Variants in CFAP44 observed in about 807,000 individuals in gnomAD.
CFAP44 encodes the protein cilia- and flagella-associated protein 44.
CFAP44 carries 134 observed loss-of-function variants against 216.2 expected under a neutral mutation model. That is an observed-to-expected ratio of 0.62 (90% CI 0.54 to 0.72). The LOEUF (loss-of-function observed/expected upper bound fraction) is 0.72, where lower values mean the gene tolerates loss of function less well. Ranked by LOEUF, CFAP44 falls within the 30% of genes least tolerant of loss-of-function variation. CFAP44 has a pLI of 0.00. For missense variants in CFAP44, 2,035 were observed against 2,182.1 expected (o/e 0.93, Z 1.34); for synonymous variants, 700 against 727.6 (o/e 0.96, Z 0.61).
intron 22 of CFAP44, among the ~76,000 whole-genome samples, chr3:113,356,040 T>C (rs1172409280): frequency 6.7e-6 from 1 of 149,576 alleles, no homozygotes; most frequent in African/African-American, 2.4e-5. Flanking sequence ...AAAATGTATA[T>C]AATTATTATA....
chr3:113,330,831 T>C (rs1950235544), intron 25 of CFAP44, among the ~76,000 whole-genome samples, 163 bp from the exon 26 acceptor site: 1 of 152,022 alleles, frequency 6.6e-6, no homozygotes, highest in Admixed American at 6.5e-5. Flanking sequence ...TTCTTTAATA[T>C]TGAGGATTTT....
chr3:113,388,222 C>T (rs1351740935), intron 15 of CFAP44, among the ~76,000 whole-genome samples: 1 of 152,046 alleles, frequency 6.6e-6, no homozygotes, highest in South Asian at 2.1e-4. Context: ...TACCACAGGC[C>T]TTGGGCAAGA....
chr3:113,414,778 A>T (rs1934597074), intron 6 of CFAP44, among the ~76,000 whole-genome samples: 1 of 151,902 alleles, frequency 6.6e-6, no homozygotes, highest in South Asian at 2.1e-4. Flanking sequence ...TTTATTGAAG[A>T]TTTTTGCATC....
At chr3:113,303,878 T>A (rs1357734774) in intron 32 of CFAP44, 38 bp downstream of exon 32, 1 of 1,532,756 alleles carries the variant, frequency 6.5e-7, no homozygotes, top group African/African-American at 1.4e-5. Context: ...TTCTTACCAA[T>A]AAACCTTACT....
At chr3:113,372,158 G>C (rs1047534136) in intron 18 of CFAP44, among the ~76,000 whole-genome samples, 1 of 152,206 alleles carries the variant, frequency 6.6e-6, no homozygotes, top group Non-Finnish European at 1.5e-5. Flanking sequence ...AACCATTGTG[G>C]AAGACAGTGT....
chr3:113,423,527 C>T (rs1214845811), intron 4 of CFAP44, among the ~76,000 whole-genome samples: 3 of 152,142 alleles, frequency 2.0e-5, no homozygotes, highest in Non-Finnish European at 4.4e-5. Context: ...GTACCTTCAG[C>T]TCCCTTTGTC....
At chr3:113,297,089 C>T (rs185216206) in intron 32 of CFAP44, among the ~76,000 whole-genome samples, 1 of 152,298 alleles carries the variant, frequency 6.6e-6, no homozygotes, top group East Asian at 1.9e-4. Context: ...CCTTCTGAAT[C>T]CTGTGTAAAA....
intron 4 of CFAP44, among the ~76,000 whole-genome samples, chr3:113,421,039 C>G (rs1230373080): frequency 6.6e-6 from 1 of 151,914 alleles, no homozygotes; most frequent in Non-Finnish European, 1.5e-5. Context: ...CAAAATAAAC[C>G]ATCAACAGAT....
chr3:113,357,077 T>C (rs534482351), intron 22 of CFAP44, among the ~76,000 whole-genome samples: 1 of 152,228 alleles, frequency 6.6e-6, no homozygotes, highest in South Asian at 2.1e-4. Context: ...AACAAACACC[T>C]AACAACAGAA....
At chr3:113,367,571 T>C (rs1302323056) in intron 18 of CFAP44, among the ~76,000 whole-genome samples, 1 of 151,998 alleles carries the variant, frequency 6.6e-6, no homozygotes, top group East Asian at 1.9e-4. Context: ...CAAAACACCA[T>C]CTGTAGGTCA....
intron 1 of CFAP44, 94 bp from the exon 2 acceptor site, chr3:113,433,763 A>C: frequency 2.1e-6 from 2 of 958,098 alleles, no homozygotes; most frequent in Non-Finnish European, 1.6e-6. Flanking sequence ...ACCAAACACC[A>C]TGTGTGTCAA....
Position 113,303,991 on chromosome 3 carries a change from T to C in CFAP44, c.5002A>G (p.Lys1668Glu). 9 of 1,537,764 alleles carry C rather than the reference T, an allele frequency of 5.9e-6. No homozygotes were observed. In the South Asian group the frequency reaches 7.1e-5, roughly 12 times the overall value. Residue 1668 changes from lysine (K) to glutamate (E), a missense_variant, in exon 32 of 35, where the codon AAA becomes GAA. By Grantham distance (56) the Lys-to-Glu change is moderately conservative. Transcript: ENST00000393845. ...ELQEENSKQQ[K>E]LNKEWRERRK... ...CTCTCTCTCCATTCTTTGTTAAGTT[T>C]TTGCTGCTTGGAATTTTCCTCCTGG...
At chr3:113,363,432 T>C in intron 20 of CFAP44, 45 bp downstream of exon 20, 1 of 1,586,778 alleles carries the variant, frequency 6.3e-7, no homozygotes, top group South Asian at 1.2e-5. Flanking sequence ...TGATTTGTTT[T>C]GCAAAATCTC....
intron 28 of CFAP44, among the ~76,000 whole-genome samples, chr3:113,315,303 C>T (rs1353631078): frequency 6.6e-6 from 1 of 152,012 alleles, no homozygotes; most frequent in African/African-American, 2.4e-5. Flanking sequence ...GACAAATAGA[C>T]TTTAGAGCAA....
intron 6 of CFAP44, among the ~76,000 whole-genome samples, chr3:113,415,404 C>T (rs1576599924): frequency 6.6e-6 from 1 of 151,860 alleles, no homozygotes; most frequent in Admixed American, 6.6e-5. Context: ...TCTTCTGCTA[C>T]CTTTTGGATT....
intron 22 of CFAP44, among the ~76,000 whole-genome samples, chr3:113,350,555 G>T (rs1189054971): frequency 6.6e-6 from 1 of 152,192 alleles, no homozygotes; most frequent in Non-Finnish European, 1.5e-5. Context: ...TCTTCTCCAT[G>T]ACCTTATAAC....
Position 113,341,738 on chromosome 3 carries a change from A to AC in CFAP44, c.3437+5dup, listed in dbSNP as rs1559916783. On this transcript the variant is annotated splice_donor_region_variant and intron_variant, in intron 24 of 34. Coordinates refer to ENST00000393845, the MANE Select transcript of CFAP44 (RefSeq NM_001164496.2). ...AAGATAAGAGTTTAGGTAAAAAAAAACTCACAGTTCCTCCCATTCTTTTTT... is the reference window on the plus strand; with the variant it reads ...AAGATAAGAGTTTAGGTAAAAAAAAACCTCACAGTTCCTCCCATTCTTTTTT... The AC allele has an allele frequency of 2.7e-6, 4 of 1,466,946 alleles. No homozygotes were observed. Among genetic ancestry groups the AC allele is most frequent in the East Asian group, 5.2e-5 (2 of 38,828 alleles). 90.9% of individuals were successfully genotyped at this position (1,466,946 alleles called of 1,614,324 possible).
chr3:113,417,421 T>C (rs1380242113), intron 5 of CFAP44: 3 of 152,222 alleles, frequency 2.0e-5, no homozygotes, highest in Non-Finnish European at 4.4e-5. Context: ...TCTGTTATTT[T>C]TGTCTATTGG....
At chr3:113,308,068 T>G in intron 29 of CFAP44, 90 bp downstream of exon 29, 1 of 914,056 alleles carries the variant, frequency 1.1e-6, no homozygotes, top group East Asian at 2.7e-5. Flanking sequence ...TTTTGAATTA[T>G]CAGAGCACAG....
Sources: allele counts gnomAD v4.1 joint callset (sites outside exome capture counted in the v4.1 genomes callset), GRCh38; gene constraint gnomAD v4.1.1; transcripts MANE v1.5; gene names NCBI Gene and HGNC (gene_info 2026-07-23, HGNC 2026-07-21).